The following SCO2 variants were observed in gnomAD, a reference collection of about 807,000 sequenced individuals.
SCO2 encodes the protein synthesis of cytochrome C oxidase 2, also known as cytochrome c oxidase assembly factor SCO2.
For missense variants in SCO2, 429 were observed against 348.7 expected (o/e 1.23, Z -1.83); for synonymous variants, 195 against 148.6 (o/e 1.31, Z -2.27).
chr22:50,525,064 GACCTTTGAGCCTT>G (rs2069281435), intron 1 of SCO2, among the ~76,000 whole-genome samples: 1 of 152,216 alleles, frequency 6.6e-6, no homozygotes, highest in Non-Finnish European at 1.5e-5. Flanking sequence ...TTGCGTTGGT[GACCTTTGAGCCTT>G]TCCCACGGGC....
chr22:50,524,670 C>T, intron 1 of SCO2: 2 of 685,444 alleles, frequency 2.9e-6, no homozygotes, highest in Non-Finnish European at 5.5e-6. Context: ...CCCTGCCCTG[C>T]ACCTGCACCT....
At chr22:50,525,781 G>C (rs776496098), upstream of SCO2, 21 of 1,610,886 alleles carry the variant, frequency 1.3e-5, 1 homozygote, top group South Asian at 2.1e-4. Context: ...TATTGCTGCG[G>C]CGGCAGAACG....
upstream of SCO2, chr22:50,525,861 C>T: frequency 1.3e-6 from 2 of 1,599,078 alleles, no homozygotes; most frequent in Non-Finnish European, 1.7e-6. Context: ...CTGCAGGGCG[C>T]GGCTCTGCGG....
chr22:50,524,686 A>G, intron 1 of SCO2: 1 of 670,020 alleles, frequency 1.5e-6, no homozygotes, highest in Non-Finnish European at 2.8e-6. Context: ...CACCTCAGCA[A>G]GGTGAACCTC....
At position 50,524,212 on chromosome 22, in the gene SCO2, A is replaced by T. The variant is rs1194150940; in HGVS notation, c.200T>A (p.Phe67Tyr). 2.5e-6 allele frequency: 4 copies of T among 1,607,862 alleles called. No individual in the cohort carries two copies. The Admixed American group carries it at 5.0e-5, about 20-fold the overall frequency. ...CCAGGCCCCACCGAGTCCAGCCCCG[A>T]ACAGGCCTGTGATCAGCAGCCGGGT... ...LRTRLLITGL[F>Y]GAGLGGAWLA... The change falls in exon 2 of 2, where the codon TTC (phenylalanine) becomes TAC (tyrosine). Residue 67 changes from phenylalanine (F) to tyrosine (Y), a missense_variant. Physicochemically the swap from Phe to Tyr is conservative, Grantham distance 22. Transcript: ENST00000395693.
upstream of SCO2, chr22:50,525,835 A>G (rs2069332049): frequency 6.2e-7 from 1 of 1,608,976 alleles, no homozygotes; most frequent in Non-Finnish European, 8.5e-7. Context: ...GCGCGGTCGG[A>G]GAGTACGAGC....
At chr22:50,525,710 G>A, upstream of SCO2, 2 of 1,575,972 alleles carry the variant, frequency 1.3e-6, no homozygotes, top group Non-Finnish European at 8.6e-7. Context: ...CCCCGCCTCC[G>A]CAGCCCTGGA....
upstream of SCO2, chr22:50,526,161 G>A: frequency 2.0e-6 from 3 of 1,474,432 alleles, no homozygotes; most frequent in Non-Finnish European, 2.7e-6. Context: ...GAGGGGCTGA[G>A]AGGCGCGGGC....
chr22:50,526,349 C>T (rs930615737), upstream of SCO2: 11 of 1,554,474 alleles, frequency 7.1e-6, no homozygotes, highest in Non-Finnish European at 7.7e-6. Flanking sequence ...GACCGGGATC[C>T]ACGCCCTGCG....
upstream of SCO2, chr22:50,526,048 C>G (rs1331363227): frequency 4.0e-6 from 6 of 1,482,016 alleles, no homozygotes; most frequent in African/African-American, 1.5e-5. Flanking sequence ...TGCGCCCACC[C>G]CCAGGCGGAG....
At chr22:50,526,105 A>G, upstream of SCO2, 1 of 1,489,532 alleles carries the variant, frequency 6.7e-7, no homozygotes, top group South Asian at 1.3e-5. Flanking sequence ...GTGCAGCACC[A>G]GCGCCAGCGG....
upstream of SCO2, chr22:50,525,649 G>C (rs1341230148): frequency 3.4e-5 from 48 of 1,432,606 alleles, no homozygotes; most frequent in Non-Finnish European, 4.5e-5. Flanking sequence ...GGCTCTCAGC[G>C]CGTGCGCGGA....
chr22:50,523,801 C>T lies in SCO2; in HGVS notation c.611G>A (p.Ser204Asn), dbSNP rs199644111. 3.1e-5 allele frequency: 50 copies of T among 1,614,140 alleles called. 1 individual carries two copies. The African/African-American group carries it at 5.5e-4, about 18-fold the overall frequency. The change falls in exon 2 of 2, where the codon AGT becomes AAT. Residue 204 changes from serine (S) to asparagine (N), a missense_variant. Physicochemically the swap from Ser to Asn is conservative, Grantham distance 46. Coordinates refer to ENST00000395693, the MANE Select transcript of SCO2 (RefSeq NM_005138.3). Reference protein sequence around the residue: ...STKQVAQASHSYRVYYNAGPK... With the variant: ...STKQVAQASHNYRVYYNAGPK... Reference sequence around the variant, plus strand: ...GCCTGCATTGTAGTACACGCGGTAACTGTGACTAGCCTGGGCAACCTGTTT... The same window carrying T: ...GCCTGCATTGTAGTACACGCGGTAATTGTGACTAGCCTGGGCAACCTGTTT...
chr22:50,525,479 C>T lies in SCO2; in HGVS notation c.-21G>A, dbSNP rs2069306369. 2 of 481,186 alleles carry T rather than the reference C, an allele frequency of 4.2e-6. No individual in the cohort carries two copies. The highest frequency in any genetic ancestry group is 2.3e-5 in the South Asian group (1 of 42,956). 29.8% of individuals were successfully genotyped at this position (481,186 alleles called of 1,614,324 possible). A position where few individuals can be genotyped will look rare whatever the true frequency, so the allele number is the denominator to read the frequency against. ...CAGCCCCGGCGTCCGCACCTCGCGG[C>T]GGGGCCGCGCGTCAGTGGACCAAGC... On this transcript the variant is annotated 5_prime_UTR_variant, in exon 1 of 2. Transcript: ENST00000395693.
upstream of SCO2, chr22:50,525,958 C>T: frequency 7.1e-7 from 1 of 1,399,468 alleles, no homozygotes; most frequent in Admixed American, 3.4e-5. Flanking sequence ...GCGGCCGGAG[C>T]TGGGCGGGGG....
At chr22:50,526,382 G>T (rs751163861), upstream of SCO2, 2 of 1,528,350 alleles carry the variant, frequency 1.3e-6, no homozygotes, top group East Asian at 2.6e-5. Context: ...GCTCGAAGCG[G>T]CCAAGGGCCG....
At chr22:50,526,143 T>A, upstream of SCO2, 1 of 1,483,080 alleles carries the variant, frequency 6.7e-7, no homozygotes, top group Non-Finnish European at 8.9e-7. Flanking sequence ...CCACGGTGCC[T>A]GCGGGGAGAG....
At chr22:50,526,017 A>G (rs1138404), upstream of SCO2, 1 of 1,470,490 alleles carries the variant, frequency 6.8e-7, no homozygotes, top group Admixed American at 2.4e-5. Context: ...GCAGCCTCTG[A>G]CCCACGTCGA....
At chr22:50,526,280 G>A, upstream of SCO2, 2 of 1,546,490 alleles carry the variant, frequency 1.3e-6, no homozygotes, top group Non-Finnish European at 1.7e-6. Flanking sequence ...CCTGCTCCCG[G>A]GCGCGAGGCA....
Sources: allele counts gnomAD v4.1 joint callset (sites outside exome capture counted in the v4.1 genomes callset), GRCh38; gene constraint gnomAD v4.1.1; transcripts MANE v1.5; gene names NCBI Gene and HGNC (gene_info 2026-07-23, HGNC 2026-07-21).